Variants in EXT1 observed in about 807,000 individuals in gnomAD.
EXT1 encodes the protein exostosin-1.
In EXT1, 20 loss-of-function variants were observed where a neutral mutation model predicts 82.5. The observed-to-expected ratio is 0.24, with a 90% CI of 0.17 to 0.35. EXT1 has a LOEUF of 0.35. Among genes scored for constraint, EXT1 ranks in the 10% least tolerant of loss-of-function variants. The pLI is 1.00. For missense variants in EXT1, 757 were observed against 936.5 expected, an observed-to-expected ratio of 0.81 and a Z score of 2.50; for synonymous variants, 348 against 350.8, an observed-to-expected ratio of 0.99 and a Z score of 0.09.
At chr8:117,943,777 G>C (rs1197904658) in intron 1 of EXT1, among the ~76,000 whole-genome samples, 2 of 152,194 alleles carry the variant, frequency 1.3e-5, no homozygotes, top group African/African-American at 4.8e-5. Flanking sequence ...AGATATTGGG[G>C]CAGGAAGTGC....
intron 1 of EXT1, among the ~76,000 whole-genome samples, chr8:117,872,019 C>T (rs2129895136): frequency 6.6e-6 from 1 of 152,096 alleles, no homozygotes; most frequent in East Asian, 1.9e-4. Flanking sequence ...GTAGTCCCAG[C>T]TACTTGGGAG....
At chr8:118,100,043 C>T (rs962139229) in intron 1 of EXT1, among the ~76,000 whole-genome samples, 10 of 152,094 alleles carry the variant, frequency 6.6e-5, no homozygotes, top group African/African-American at 1.9e-4. Context: ...ATACCCAAGA[C>T]GTGGCCTAAT....
intron 1 of EXT1, among the ~76,000 whole-genome samples, chr8:117,909,678 T>C (rs2129986616): frequency 6.6e-6 from 1 of 152,320 alleles, no homozygotes. Context: ...GGTACATGCA[T>C]TTGCCATCAT....
chr8:117,842,521 T>A lies in EXT1; in HGVS notation c.963-5320A>T, dbSNP rs117269759. On this transcript the variant is annotated intron_variant, in intron 1 of 10. Transcript: ENST00000378204. ...TCTCCAAACCTCAAAGTTTTGAAGA[T>A]CAAATGAAATCATGTACATTGAATA... Among the ~76,000 whole-genome samples the A allele has an allele frequency of 6.3e-3, 963 of 152,310 alleles. 4 individuals carry two copies. Among genetic ancestry groups the A allele is most frequent in the Non-Finnish European group, 0.011 (739 of 68,034 alleles).
chr8:118,010,146 G>T (rs1815867305), intron 1 of EXT1, among the ~76,000 whole-genome samples: 1 of 151,962 alleles, frequency 6.6e-6, no homozygotes, highest in African/African-American at 2.4e-5. Context: ...GCAGAGGCGG[G>T]CGGATCACGA....
At chr8:117,867,904 G>C (rs1284612899) in intron 1 of EXT1, among the ~76,000 whole-genome samples, 2 of 152,180 alleles carry the variant, frequency 1.3e-5, no homozygotes, top group South Asian at 2.1e-4. Flanking sequence ...CTAGAAACCA[G>C]TTTACTTCTA....
intron 1 of EXT1, among the ~76,000 whole-genome samples, chr8:117,860,606 A>G (rs1049174266): frequency 1.3e-5 from 2 of 152,234 alleles, no homozygotes; most frequent in Non-Finnish European, 2.9e-5. Context: ...TTGGAGAATC[A>G]CAAGCAGTAT....
chr8:117,804,897 T>G lies in EXT1; in HGVS notation c.1884-4A>C. 1.9e-6 allele frequency: 3 copies of G among 1,613,916 alleles called. No individual in the cohort carries two copies. The East Asian group carries it at 6.7e-5, about 36-fold the overall frequency. On this transcript the variant is annotated splice_region_variant and splice_polypyrimidine_tract_variant and intron_variant, in intron 9 of 10. Coordinates refer to ENST00000378204, the MANE Select transcript of EXT1 (RefSeq NM_000127.3). ...GGAGTATAGGTAGTGATAATATCTG[T>G]AAAAATCAAAGATGGGTTTCACAGG...
chr8:117,907,798 A>G (rs767062692), intron 1 of EXT1, among the ~76,000 whole-genome samples: 21 of 152,222 alleles, frequency 1.4e-4, no homozygotes, highest in Non-Finnish European at 2.6e-4. Context: ...TTTATCCACT[A>G]TTAGGAAACT....
intron 1 of EXT1, among the ~76,000 whole-genome samples, chr8:117,870,415 C>T (rs2129889886): frequency 6.6e-6 from 1 of 150,996 alleles, no homozygotes; most frequent in East Asian, 1.9e-4. Flanking sequence ...TAGGGACTTT[C>T]CTAGGCACAG....
At chr8:117,959,321 C>G (rs1814650927) in intron 1 of EXT1, among the ~76,000 whole-genome samples, 1 of 152,222 alleles carries the variant, frequency 6.6e-6, no homozygotes. Flanking sequence ...AAGCTCTAGC[C>G]TGTTCCCCTG....
intron 1 of EXT1, among the ~76,000 whole-genome samples, chr8:117,971,137 C>T (rs17431062): frequency 0.049 from 7,460 of 152,274 alleles, 229 homozygotes; most frequent in South Asian, 0.11. Context: ...GGCTTGCCCT[C>T]AGCTTCCCGA....
chr8:117,860,449 G>A (rs143922327), intron 1 of EXT1, among the ~76,000 whole-genome samples: 1 of 152,200 alleles, frequency 6.6e-6, no homozygotes, highest in African/African-American at 2.4e-5. Flanking sequence ...CCCAGCCTTC[G>A]CCACTATGCA....
intron 1 of EXT1, among the ~76,000 whole-genome samples, chr8:118,032,918 C>T (rs1816353716): frequency 6.6e-6 from 1 of 152,158 alleles, no homozygotes; most frequent in South Asian, 2.1e-4. Flanking sequence ...ATTCTAGGTA[C>T]ATTCTTTTCA....
intron 4 of EXT1, among the ~76,000 whole-genome samples, chr8:117,824,162 AGTTT>A (rs2129753958): frequency 6.6e-6 from 1 of 152,174 alleles, no homozygotes; most frequent in East Asian, 1.9e-4. Flanking sequence ...CACTTAAATA[AGTTT>A]GGATATCAAG....
intron 1 of EXT1, among the ~76,000 whole-genome samples, chr8:118,059,731 C>A (rs768124413): frequency 2.6e-5 from 4 of 152,228 alleles, no homozygotes; most frequent in African/African-American, 4.8e-5. Context: ...ACCTTTACTT[C>A]CGCCAGCTCC....
At chr8:118,082,815 C>A (rs1817355406) in intron 1 of EXT1, among the ~76,000 whole-genome samples, 1 of 152,228 alleles carries the variant, frequency 6.6e-6, no homozygotes, top group Admixed American at 6.5e-5. Context: ...GGTGAAATCT[C>A]TGCTGGTCTT....
chr8:117,888,359 G>T (rs1813185045), intron 1 of EXT1, among the ~76,000 whole-genome samples: 1 of 152,090 alleles, frequency 6.6e-6, no homozygotes, highest in African/African-American at 2.4e-5. Flanking sequence ...TAGATTCATG[G>T]TCCTTGTGGA....
Position 118,110,973 on chromosome 8 carries a change from C to A in EXT1, c.74G>T (p.Gly25Val), listed in dbSNP as rs765050783. The A allele has an allele frequency of 6.2e-7, 1 of 1,611,098 alleles. No homozygotes were observed. Among genetic ancestry groups the A allele is most frequent in the Non-Finnish European group, 8.5e-7 (1 of 1,179,974 alleles). ...SCLALLFYFG[G>V]LQFRASRSHS... is the part of the protein sequence containing the mutation. ...GCTCCTCGATGCCCTAAACTGCAAG[C>A]CTCCGAAATAAAACAAAAGGGCGAG... The change falls in exon 1 of 11, where the codon GGC becomes GTC. Residue 25 changes from glycine to valine, a missense_variant. By Grantham distance (109) the Gly-to-Val change is moderately radical. Around this residue, in one of 4 missense-constraint regions of EXT1, gnomAD observed 175 missense variants for 159.0 expected, o/e 1.10. Coordinates refer to ENST00000378204, the MANE Select transcript of EXT1 (RefSeq NM_000127.3).
Sources: gnomAD v4.1 joint callset for allele counts (sites outside exome capture counted in the v4.1 genomes callset) on GRCh38, gnomAD v4.1.1 for gene constraint, gnomAD v4.1.1 regional missense constraint, MANE v1.5 for transcripts, NCBI Gene and HGNC (gene_info 2026-07-23, HGNC 2026-07-21) for gene names.